Variants in KHDRBS2 observed in about 807,000 individuals in gnomAD.
KHDRBS2 encodes KH domain-containing, RNA-binding, signal transduction-associated protein 2.
Under a neutral mutation model 44.3 loss-of-function variants are expected in KHDRBS2, and 26 were observed. The ratio of observed to expected loss-of-function variants is 0.59; its 90% CI spans 0.43 to 0.81. The LOEUF (loss-of-function observed/expected upper bound fraction) is 0.81, where lower values mean the gene tolerates loss of function less well. KHDRBS2 is among the 40% of genes least tolerant of loss of function. KHDRBS2 has a pLI of 0.00. For missense variants in KHDRBS2, 476 were observed against 433.1 expected, an observed-to-expected ratio of 1.10 and a Z score of -0.88; for synonymous variants, 194 against 151.1, an observed-to-expected ratio of 1.28 and a Z score of -2.08.
intron 2 of KHDRBS2, among the ~76,000 whole-genome samples, chr6:62,094,421 T>C (rs1485007063): frequency 1.3e-5 from 2 of 152,070 alleles, no homozygotes; most frequent in Non-Finnish European, 2.9e-5. Context: ...ATTCCTTATA[T>C]ATTTTGGATA....
At chr6:61,636,164 T>C in the KHDRBS2 span, among the ~76,000 whole-genome samples, 1 of 152,112 alleles carries the variant, frequency 6.6e-6, no homozygotes, top group Admixed American at 6.6e-5. Context: ...ACTGCCATTA[T>C]AACATTTTGA....
At chr6:61,923,538 T>C (rs1487006544) in intron 4 of KHDRBS2, among the ~76,000 whole-genome samples, 4 of 152,108 alleles carry the variant, frequency 2.6e-5, no homozygotes, top group Admixed American at 2.6e-4. Flanking sequence ...AATCAATCAG[T>C]GTAATTTATC....
the KHDRBS2 span, among the ~76,000 whole-genome samples, chr6:61,640,219 T>G: frequency 6.6e-6 from 1 of 152,136 alleles, no homozygotes; most frequent in Non-Finnish European, 1.5e-5. Flanking sequence ...TTTGCCATAA[T>G]GTTGATAATT....
intron 2 of KHDRBS2, among the ~76,000 whole-genome samples, chr6:62,149,710 G>A (rs148454865): frequency 5.9e-5 from 9 of 152,238 alleles, no homozygotes; most frequent in African/African-American, 1.9e-4. Context: ...TTATAGCTAA[G>A]TTAAATAGGG....
chr6:61,955,428 G>A (rs545366227), intron 4 of KHDRBS2, among the ~76,000 whole-genome samples: 1 of 138,270 alleles, frequency 7.2e-6, no homozygotes, highest in Non-Finnish European at 1.6e-5. Context: ...ATACACATAC[G>A]TATGTGTATG....
the KHDRBS2 span, among the ~76,000 whole-genome samples, chr6:61,569,183 T>C: frequency 6.6e-6 from 1 of 151,952 alleles, no homozygotes; most frequent in Non-Finnish European, 1.5e-5. Context: ...CTCTGGAACA[T>C]AACTCCATGG....
At chr6:62,267,051 C>T (rs1839328011) in intron 1 of KHDRBS2, among the ~76,000 whole-genome samples, 1 of 151,972 alleles carries the variant, frequency 6.6e-6, no homozygotes, top group Non-Finnish European at 1.5e-5. Flanking sequence ...CTGGGAGAAC[C>T]CAAACTGAAA....
At chr6:62,256,025 C>T (rs1837345266) in intron 1 of KHDRBS2, among the ~76,000 whole-genome samples, 4 of 151,832 alleles carry the variant, frequency 2.6e-5, no homozygotes, top group Admixed American at 2.6e-4. Context: ...ATCTCAGCTA[C>T]TCAGGAGGCT....
the KHDRBS2 span, among the ~76,000 whole-genome samples, chr6:61,611,086 TG>T: frequency 6.6e-6 from 1 of 152,320 alleles, no homozygotes; most frequent in Admixed American, 6.5e-5. Flanking sequence ...AATGCATAAG[TG>T]GGTTACTTAT....
intron 2 of KHDRBS2, among the ~76,000 whole-genome samples, chr6:62,094,961 A>G (rs1800259056): frequency 1.3e-5 from 2 of 152,024 alleles, no homozygotes; most frequent in African/African-American, 4.8e-5. Flanking sequence ...TGGTTACTAT[A>G]GCATTGTAGT....
At chr6:62,275,999 T>G (rs1218465995) in intron 1 of KHDRBS2, among the ~76,000 whole-genome samples, 1 of 152,190 alleles carries the variant, frequency 6.6e-6, no homozygotes, top group African/African-American at 2.4e-5. Context: ...TTTCTTCTCA[T>G]TCAGCCTCTT....
chr6:61,994,079 C>A (rs1291618056), intron 3 of KHDRBS2, among the ~76,000 whole-genome samples: 1 of 152,152 alleles, frequency 6.6e-6, no homozygotes, highest in Non-Finnish European at 1.5e-5. Context: ...AACTGACTGG[C>A]AGGAATGCAG....
At chr6:61,822,533 C>T (rs1470800730) in intron 6 of KHDRBS2, among the ~76,000 whole-genome samples, 4 of 151,946 alleles carry the variant, frequency 2.6e-5, no homozygotes, top group Admixed American at 6.6e-5. Context: ...CACTAATTCT[C>T]CACAAAACTC....
At chr6:61,916,586 T>A (rs1359880501) in intron 4 of KHDRBS2, among the ~76,000 whole-genome samples, 1 of 151,944 alleles carries the variant, frequency 6.6e-6, no homozygotes, top group Non-Finnish European at 1.5e-5. Flanking sequence ...TTCAAGAGAA[T>A]GAGAAGACAA....
intron 2 of KHDRBS2, among the ~76,000 whole-genome samples, chr6:62,056,696 A>G (rs751464069): frequency 2.0e-5 from 3 of 151,976 alleles, no homozygotes; most frequent in Non-Finnish European, 2.9e-5. Context: ...ATGTTACAAA[A>G]CCTTCTTTCC....
At position 62,215,663 on chromosome 6, in the gene KHDRBS2, C is replaced by T. The variant is rs150971508; in HGVS notation, c.92-38351G>A. Among the ~76,000 whole-genome samples the T allele has an allele frequency of 5.9e-4, 90 of 151,912 alleles. 1 individual carries two copies. Among genetic ancestry groups the T allele is most frequent in the African/African-American group, 1.7e-3 (72 of 41,524 alleles). On this transcript the variant is annotated intron_variant, in intron 1 of 8. Coordinates refer to ENST00000281156, the MANE Select transcript of KHDRBS2 (RefSeq NM_152688.4). ...TTCTGTTTATGTATCTTCCCATAAT[C>T]TTCTCAACCCACCGGAATAAACAAT...
At chr6:61,771,211 G>A (rs932328276) in intron 6 of KHDRBS2, among the ~76,000 whole-genome samples, 4 of 152,092 alleles carry the variant, frequency 2.6e-5, no homozygotes, top group Non-Finnish European at 4.4e-5. Context: ...AGGAACAACT[G>A]GTACCAGCCA....
At chr6:61,607,151 G>A in the KHDRBS2 span, among the ~76,000 whole-genome samples, 1 of 151,784 alleles carries the variant, frequency 6.6e-6, no homozygotes, top group Non-Finnish European at 1.5e-5. Context: ...AAAGGACAAA[G>A]TAGAGATTTT....
intron 2 of KHDRBS2, among the ~76,000 whole-genome samples, chr6:62,090,512 A>G (rs776363506): frequency 6.6e-6 from 1 of 152,114 alleles, no homozygotes; most frequent in Non-Finnish European, 1.5e-5. Flanking sequence ...GTTAATACCA[A>G]TGCAATTCTC....
Sources: gnomAD v4.1 joint callset for allele counts (sites outside exome capture counted in the v4.1 genomes callset) on GRCh38, gnomAD v4.1.1 for gene constraint, MANE v1.5 for transcripts, NCBI Gene and HGNC (gene_info 2026-07-23, HGNC 2026-07-21) for gene names.